Variants in GBP6 observed in about 807,000 individuals in gnomAD.
GBP6 encodes guanylate binding protein family member 6.
In GBP6, 54 loss-of-function variants were observed where a neutral mutation model predicts 61.5. The ratio of observed to expected loss-of-function variants is 0.88; its 90% confidence interval spans 0.71 to 1.10. GBP6 has a LOEUF of 1.10. Among genes scored for constraint, GBP6 ranks in the 50% least tolerant of loss-of-function variants. The pLI, the probability that GBP6 is intolerant of heterozygous loss-of-function variation, is 0.00. For synonymous variants in GBP6, 255 were observed against 273.7 expected (o/e 0.93, Z 0.67); for missense variants, 748 against 752.8 (o/e 0.99, Z 0.07).
intron 3 of GBP6, among the ~76,000 whole-genome samples, chr1:89,377,042 A>G (rs1435711564): frequency 6.6e-6 from 1 of 152,172 alleles, no homozygotes; most frequent in African/African-American, 2.4e-5. Context: ...CCTACCTCCA[A>G]AATCCCATAT....
chr1:89,383,646 C>G lies in GBP6; in HGVS notation c.1366-6C>G. On this transcript the variant is annotated splice_region_variant and splice_polypyrimidine_tract_variant and intron_variant, in intron 8 of 10. Transcript: ENST00000370456. The stretch of plus-strand genomic sequence containing the variant: ...GAAATCTAAGTGCTTTTTCTTCCTT[C>G]CATAGGCAAAAGAGGTCTTCCAGAG... The G allele has an allele frequency of 6.3e-7, 1 of 1,589,216 alleles. No homozygotes were observed. The highest frequency in any genetic ancestry group is 2.2e-5 in the East Asian group (1 of 44,770).
At chr1:89,365,316 C>CCA (rs1652441091) in intron 1 of GBP6, among the ~76,000 whole-genome samples, 1 of 152,186 alleles carries the variant, frequency 6.6e-6, no homozygotes, top group South Asian at 2.1e-4. Context: ...GCAGGAGCAG[C>CCA]CACATCTTCC....
rs1361821458 is a variant in GBP6, at chr1:89,378,193, C to T, written c.409C>T (p.Gln137Ter). 2.9e-5 allele frequency: 46 copies of T among 1,611,886 alleles called. No individual in the cohort carries two copies. The highest frequency in any genetic ancestry group is 3.8e-5 in the Non-Finnish European group (45 of 1,179,474). ...VYNSMSTINH[Q>*]ALEQLHYVTE... ...CAACAGCATGAGCACCATCAACCAC[C>T]AGGCCCTGGAGCAGCTGCAGTATCC... The change falls in exon 4 of 11, where the codon CAG (glutamine) becomes TAG (stop). Residue 137 changes from glutamine (Q) to a stop codon, truncating the protein, a stop_gained. Coordinates refer to ENST00000370456, the MANE Select transcript of GBP6 (RefSeq NM_198460.3). LOFTEE classifies it high-confidence loss of function.
At chr1:89,380,316 C>CA in intron 5 of GBP6, 70 bp from the exon 6 acceptor site, 1 of 1,438,344 alleles carries the variant, frequency 7.0e-7, no homozygotes, top group Non-Finnish European at 9.6e-7. Flanking sequence ...TACACCCTAT[C>CA]AAAAATACCT....
chr1:89,377,636 A>G (rs1652843396), intron 3 of GBP6, among the ~76,000 whole-genome samples: 1 of 152,220 alleles, frequency 6.6e-6, no homozygotes, highest in African/African-American at 2.4e-5. Context: ...CAGTAAATTT[A>G]TTAAATTTGC....
chr1:89,383,269 C>T (rs1179565999), intron 8 of GBP6, among the ~76,000 whole-genome samples: 1 of 152,162 alleles, frequency 6.6e-6, no homozygotes, highest in Non-Finnish European at 1.5e-5. Flanking sequence ...AGGATGATTA[C>T]ATAACTTGCC....
intron 3 of GBP6, among the ~76,000 whole-genome samples, chr1:89,376,146 C>G (rs147247456): frequency 5.3e-4 from 81 of 152,276 alleles, no homozygotes; most frequent in African/African-American, 1.9e-3. Context: ...TTTTTGAAGG[C>G]TTAATAGTAT....
Position 89,375,525 on chromosome 1 carries a change from G to A in GBP6, c.319-2578G>A, listed in dbSNP as rs149532362. 2.0e-3 allele frequency among the ~76,000 whole-genome samples: 306 copies of A among 152,194 alleles called. 4 individuals are homozygous for A. The highest frequency in any genetic ancestry group is 7.0e-3 in the African/African-American group (289 of 41,530). On this transcript the variant is annotated intron_variant, in intron 3 of 10. Coordinates refer to ENST00000370456, the MANE Select transcript of GBP6 (RefSeq NM_198460.3). The stretch of plus-strand genomic sequence containing the variant: ...TTACTGGGTATACACCCAAAGGAAC[G>A]CAAATCATTCTATTATAAAGACACA...
intron 5 of GBP6, 21 bp downstream of exon 5, chr1:89,378,634 C>A (rs749769495): frequency 6.3e-7 from 1 of 1,589,602 alleles, no homozygotes; most frequent in South Asian, 1.1e-5. Context: ...GTGGCCTGGG[C>A]TGTGGGTGGT....
chr1:89,376,276 C>G (rs1489842278), intron 3 of GBP6, among the ~76,000 whole-genome samples: 1 of 152,190 alleles, frequency 6.6e-6, no homozygotes, highest in Non-Finnish European at 1.5e-5. Context: ...ACAGATATCT[C>G]TTTGACATAG....
chr1:89,369,428 C>A, intron 2 of GBP6, 118 bp from the exon 3 acceptor site: 2 of 1,216,130 alleles, frequency 1.6e-6, no homozygotes, highest in Non-Finnish European at 2.2e-6. Context: ...TGAGGAAATA[C>A]AGAAAGGACC....
intron 3 of GBP6, among the ~76,000 whole-genome samples, chr1:89,374,924 C>T (rs953480598): frequency 3.3e-5 from 5 of 152,060 alleles, no homozygotes; most frequent in African/African-American, 1.2e-4. Context: ...CTCTTCCCCT[C>T]CCACACCCTC....
rs7526896 is a variant in GBP6 at position 89,386,960 on chromosome 1, T to C, written c.*1491T>C. Among the ~76,000 whole-genome samples the C allele has an allele frequency of 0.91, 138,431 of 152,298 alleles. 63,064 individuals are homozygous for C. The highest frequency in any genetic ancestry group is 0.96 in the African/African-American group (39,940 of 41,570). ...CTGATGGAGATAATTCTGAAGATGG[T>C]CAATACAATGGACCAGCCATAGGGT... On this transcript the variant is annotated 3_prime_UTR_variant, in exon 11 of 11. Coordinates refer to ENST00000370456, the MANE Select transcript of GBP6 (RefSeq NM_198460.3).
At chr1:89,372,398 AC>A (rs1652669165) in intron 3 of GBP6, among the ~76,000 whole-genome samples, 1 of 152,214 alleles carries the variant, frequency 6.6e-6, no homozygotes, top group Non-Finnish European at 1.5e-5. Flanking sequence ...GCATCATGCT[AC>A]CTGACTTCAA....
chr1:89,368,512 G>A lies in GBP6; in HGVS notation c.-23-17G>A, dbSNP rs748472959. The A allele has an allele frequency of 9.5e-6, 15 of 1,573,392 alleles. No homozygotes were observed. Among genetic ancestry groups the A allele is most frequent in the East Asian group, 4.5e-5 (2 of 44,704 alleles). Reference sequence around the variant, plus strand: ...CTGAGACAGAGAATGACAATGTAACGTTATTTCTACTGGGAGGCTCTTCTA... The same window carrying A: ...CTGAGACAGAGAATGACAATGTAACATTATTTCTACTGGGAGGCTCTTCTA... On this transcript the variant is annotated splice_polypyrimidine_tract_variant and intron_variant, in intron 1 of 10. Transcript: ENST00000370456.
intron 3 of GBP6, among the ~76,000 whole-genome samples, chr1:89,374,227 C>T (rs767395997): frequency 3.9e-5 from 6 of 152,048 alleles, no homozygotes; most frequent in South Asian, 2.1e-4. Flanking sequence ...AGCATGAGAA[C>T]GGACTAGAGC....
chr1:89,370,265 G>A (rs778942991), intron 3 of GBP6, among the ~76,000 whole-genome samples: 5 of 152,290 alleles, frequency 3.3e-5, no homozygotes, highest in Non-Finnish European at 7.4e-5. Context: ...GTATAACAGT[G>A]CTTTGATAAG....
chr1:89,381,971 C>T lies in GBP6; in HGVS notation c.1149C>T (p.Phe383=). The change falls in exon 7 of 11, where the codon TTC becomes TTT. Residue 383 remains phenylalanine, a synonymous_variant. Coordinates refer to ENST00000370456, the MANE Select transcript of GBP6 (RefSeq NM_198460.3). ...KDENQEFQKK[F]METTMNKKGD... ...AAAATCAGGAATTCCAGAAGAAGTT[C>T]ATGGTAATTTGCCTTAGTCATTACT... 6.2e-7 allele frequency: 1 copy of T among 1,605,012 alleles called. No homozygotes were observed. The highest frequency in any genetic ancestry group is 8.5e-7 in the Non-Finnish European group (1 of 1,174,004).
chr1:89,373,049 C>T (rs1437600722), intron 3 of GBP6, among the ~76,000 whole-genome samples: 1 of 152,104 alleles, frequency 6.6e-6, no homozygotes, highest in Non-Finnish European at 1.5e-5. Context: ...ATGCACCCAG[C>T]AGACACATGA....
Sources: allele counts gnomAD v4.1 joint callset (sites outside exome capture counted in the v4.1 genomes callset), GRCh38; gene constraint gnomAD v4.1.1; transcripts MANE v1.5; gene names NCBI Gene and HGNC (gene_info 2026-07-23, HGNC 2026-07-21).